The following DENND1A variants were observed in gnomAD, a reference collection of about 807,000 sequenced individuals.
DENND1A encodes the protein DENN domain-containing protein 1A.
DENND1A carries 51 observed loss-of-function variants against 113.7 expected under a neutral mutation model. The observed-to-expected ratio is 0.45, with a 90% CI of 0.36 to 0.57. The LOEUF is 0.57. Among genes scored for constraint, DENND1A ranks in the 20% least tolerant of loss-of-function variants. The probability of loss-of-function intolerance (pLI) is 0.00; values close to 1 mark genes in which losing one functional copy is unlikely to be tolerated. For missense variants in DENND1A, 1,258 were observed against 1,395.9 expected, an observed-to-expected ratio of 0.90 and a Z score of 1.57; for synonymous variants, 565 against 570.8, an observed-to-expected ratio of 0.99 and a Z score of 0.14.
intron 2 of DENND1A, among the ~76,000 whole-genome samples, chr9:123,856,788 T>A (rs778278970): frequency 1.3e-5 from 2 of 151,926 alleles, no homozygotes; most frequent in Non-Finnish European, 2.9e-5. Context: ...CCAATTGAGT[T>A]AAGGAAGACA....
chr9:123,591,969 C>T (rs1447024581), intron 11 of DENND1A, among the ~76,000 whole-genome samples: 1 of 152,188 alleles, frequency 6.6e-6, no homozygotes, highest in African/African-American at 2.4e-5. Flanking sequence ...ACAAGACAGC[C>T]AGATTCAAGC....
At chr9:123,928,703 C>G in intron 1 of DENND1A, 1 of 985,444 alleles carries the variant, frequency 1.0e-6, no homozygotes, top group Non-Finnish European at 1.2e-6. Context: ...GACTGCAAGG[C>G]TGGGCAAGGG....
intron 13 of DENND1A, among the ~76,000 whole-genome samples, chr9:123,521,870 C>G (rs1008342083): frequency 3.3e-5 from 5 of 152,218 alleles, no homozygotes; most frequent in Admixed American, 3.3e-4. Context: ...CGACCTATCC[C>G]GACCCACTGC....
intron 1 of DENND1A, among the ~76,000 whole-genome samples, chr9:123,925,411 T>C (rs1214739679): frequency 6.6e-6 from 1 of 152,180 alleles, no homozygotes; most frequent in Non-Finnish European, 1.5e-5. Flanking sequence ...CTTACTCACC[T>C]ATTCGTCACC....
intron 11 of DENND1A, among the ~76,000 whole-genome samples, chr9:123,606,766 GA>G (rs1447288352): frequency 6.6e-6 from 1 of 152,230 alleles, no homozygotes; most frequent in Non-Finnish European, 1.5e-5. Flanking sequence ...GTTAGGTGCT[GA>G]GGACACCACA....
At chr9:123,803,802 C>G (rs1835087054) in intron 2 of DENND1A, among the ~76,000 whole-genome samples, 1 of 152,216 alleles carries the variant, frequency 6.6e-6, no homozygotes, top group African/African-American at 2.4e-5. Flanking sequence ...TAGCTATATT[C>G]TTTGAAACAG....
intron 3 of DENND1A, among the ~76,000 whole-genome samples, chr9:123,776,418 T>A (rs1225708145): frequency 6.6e-6 from 1 of 152,202 alleles, no homozygotes; most frequent in Non-Finnish European, 1.5e-5. Context: ...TATTGAAACA[T>A]TCTAATTATT....
At chr9:123,708,560 T>C (rs1013640791) in intron 5 of DENND1A, among the ~76,000 whole-genome samples, 1 of 152,150 alleles carries the variant, frequency 6.6e-6, no homozygotes, top group Non-Finnish European at 1.5e-5. Context: ...AGTATATTCA[T>C]GACCAGAAAA....
chr9:123,827,392 AATAT>A (rs56805562), intron 2 of DENND1A, among the ~76,000 whole-genome samples: 30,582 of 140,652 alleles, frequency 0.22, 3,686 homozygotes, highest in African/African-American at 0.3. Flanking sequence ...ATGGATATAT[AATAT>A]ATATATATAT....
intron 11 of DENND1A, among the ~76,000 whole-genome samples, chr9:123,598,761 T>C (rs2059814069): frequency 6.6e-6 from 1 of 152,206 alleles, no homozygotes; most frequent in Non-Finnish European, 1.5e-5. Flanking sequence ...TCAAGCTTCA[T>C]AATTTAACCC....
At chr9:123,744,776 T>C in intron 5 of DENND1A, among the ~76,000 whole-genome samples, 1 of 147,826 alleles carries the variant, frequency 6.8e-6, no homozygotes, top group Middle Eastern at 3.5e-3. Flanking sequence ...AGCTCTTTTT[T>C]TTTTTTTTTT....
At chr9:123,614,988 G>A (rs1485133120) in intron 10 of DENND1A, among the ~76,000 whole-genome samples, 1 of 152,202 alleles carries the variant, frequency 6.6e-6, no homozygotes, top group Non-Finnish European at 1.5e-5. Context: ...TTATTAGAGA[G>A]GTTAAAGGAC....
At position 123,689,786 on chromosome 9, in the gene DENND1A, A is replaced by G. The variant is rs555157719; in HGVS notation, c.303-12997T>C. Reference sequence around the variant, plus strand: ...GGAATTCAAGACCAGCCTGGGCAACATGGGGAAACCCTGTCTCTACAAAAA... The same window carrying G: ...GGAATTCAAGACCAGCCTGGGCAACGTGGGGAAACCCTGTCTCTACAAAAA... On this transcript the variant is annotated intron_variant, in intron 5 of 23. Coordinates refer to ENST00000394215, the MANE Select transcript of DENND1A (RefSeq NM_001352964.2). Among the ~76,000 whole-genome samples the G allele has an allele frequency of 2.6e-5, 4 of 152,096 alleles. No homozygotes were observed. In the East Asian group the frequency reaches 7.7e-4, roughly 29 times the overall value.
chr9:123,884,890 A>T (rs1425008941), intron 1 of DENND1A, among the ~76,000 whole-genome samples: 1 of 152,236 alleles, frequency 6.6e-6, no homozygotes, highest in East Asian at 1.9e-4. Flanking sequence ...TGCCAAGAAC[A>T]GTCTTTCCAG....
intron 13 of DENND1A, among the ~76,000 whole-genome samples, chr9:123,556,678 G>T (rs10818835): frequency 0.16 from 24,499 of 152,228 alleles, 2,056 homozygotes; most frequent in Admixed American, 0.2. Context: ...TCACTCACCC[G>T]TTCAAGACGA....
intron 21 of DENND1A, among the ~76,000 whole-genome samples, chr9:123,399,835 A>C (rs972981064): frequency 6.6e-6 from 1 of 152,240 alleles, no homozygotes; most frequent in Admixed American, 6.5e-5. Flanking sequence ...AAGAATTCTG[A>C]ATGCTGGCCT....
chr9:123,703,582 G>A (rs920885825), intron 5 of DENND1A, among the ~76,000 whole-genome samples: 31 of 152,214 alleles, frequency 2.0e-4, no homozygotes, highest in Admixed American at 4.6e-4. Context: ...GAGGAAGAAA[G>A]AAAGGACCTA....
At position 123,728,498 on chromosome 9, in the gene DENND1A, A is replaced by ACAAAAAAACAAAAAAAC. The variant is rs1355301239; in HGVS notation, c.302+29204_302+29205insGTTTTTTTGTTTTTTTG. 5.1e-4 allele frequency among the ~76,000 whole-genome samples: 75 copies of ACAAAAAAACAAAAAAAC among 145,776 alleles called. 1 individual carries two copies. Among genetic ancestry groups the ACAAAAAAACAAAAAAAC allele is most frequent in the African/African-American group, 2.0e-3 (75 of 37,600 alleles). ...GTCTCCCAAAAAAAAAAAAAAAAAA[A>ACAAAAAAACAAAAAAAC]AAAAAAAAAAAACAGGCATCAGTCA... On this transcript the variant is annotated intron_variant, in intron 5 of 23. Coordinates refer to ENST00000394215, the MANE Select transcript of DENND1A (RefSeq NM_001352964.2).
At chr9:123,912,161 A>T (rs1006643935) in intron 1 of DENND1A, among the ~76,000 whole-genome samples, 4 of 152,240 alleles carry the variant, frequency 2.6e-5, no homozygotes, top group African/African-American at 9.6e-5. Context: ...TGTAAATGAT[A>T]TAACAGCAAA....
Sources: allele counts gnomAD v4.1 joint callset (sites outside exome capture counted in the v4.1 genomes callset), GRCh38; gene constraint gnomAD v4.1.1; transcripts MANE v1.5; gene names NCBI Gene and HGNC (gene_info 2026-07-23, HGNC 2026-07-21).